GPR63: variants seen among roughly 807,000 people sequenced by gnomAD.
GPR63 encodes G protein-coupled receptor 63.
GPR63 carries 12 observed loss-of-function variants against 23.1 expected under a neutral mutation model. That is an observed-to-expected ratio of 0.52 (90% CI 0.33 to 0.84). The LOEUF is 0.84. Ranked by LOEUF, GPR63 falls within the 40% of genes least tolerant of loss-of-function variation. GPR63 has a pLI of 0.02. For missense variants in GPR63, 472 were observed against 515.6 expected (o/e 0.92, Z 0.82); for synonymous variants, 172 against 191.1 (o/e 0.90, Z 0.82).
intron 1 of GPR63, among the ~76,000 whole-genome samples, chr6:96,805,887 G>A (rs1773884531): frequency 6.6e-6 from 1 of 152,200 alleles, no homozygotes; most frequent in South Asian, 2.1e-4. Context: ...AAAACAGATG[G>A]ATTTTGAAGA....
At chr6:96,817,877 AT>A (rs550140845) in intron 1 of GPR63, among the ~76,000 whole-genome samples, 3,811 of 143,864 alleles carry the variant, frequency 0.026, 76 homozygotes, top group Non-Finnish European at 0.037. Flanking sequence ...TCATATATTC[AT>A]TTTTTTTTTC....
intron 1 of GPR63, among the ~76,000 whole-genome samples, chr6:96,804,868 G>A (rs1004309777): frequency 1.3e-5 from 2 of 152,056 alleles, no homozygotes; most frequent in African/African-American, 2.4e-5. Flanking sequence ...ATGTAGTTAT[G>A]TAAATAGTAT....
At chr6:96,814,561 G>C (rs1367070322) in intron 1 of GPR63, among the ~76,000 whole-genome samples, 1 of 152,150 alleles carries the variant, frequency 6.6e-6, no homozygotes, top group Non-Finnish European at 1.5e-5. Context: ...ACCGTGATTA[G>C]AACCCAGGGC....
chr6:96,807,137 T>C (rs1352312326), intron 1 of GPR63, among the ~76,000 whole-genome samples: 2 of 152,194 alleles, frequency 1.3e-5, no homozygotes, highest in East Asian at 1.9e-4. Context: ...GCTCACCAAA[T>C]AGCAACTTTC....
At chr6:96,808,115 C>T (rs1042796138) in intron 1 of GPR63, among the ~76,000 whole-genome samples, 1 of 152,038 alleles carries the variant, frequency 6.6e-6, no homozygotes, top group East Asian at 1.9e-4. Flanking sequence ...AAACATATTG[C>T]TAAATTTAAA....
chr6:96,809,313 T>C (rs1773980866), intron 1 of GPR63, among the ~76,000 whole-genome samples: 1 of 152,176 alleles, frequency 6.6e-6, no homozygotes, highest in Non-Finnish European at 1.5e-5. Flanking sequence ...TTAACTAATG[T>C]GTCTAACTGC....
chr6:96,813,417 C>T (rs1774091218), intron 1 of GPR63, among the ~76,000 whole-genome samples: 1 of 152,158 alleles, frequency 6.6e-6, no homozygotes, highest in Non-Finnish European at 1.5e-5. Flanking sequence ...AAACTCCATA[C>T]TGACCCAGTG....
chr6:96,832,289 G>T (rs958700068), intron 1 of GPR63, among the ~76,000 whole-genome samples: 1 of 151,970 alleles, frequency 6.6e-6, no homozygotes, highest in Non-Finnish European at 1.5e-5. Flanking sequence ...TTTGAAGACA[G>T]GGTCTTTCTC....
intron 1 of GPR63, 128 bp downstream of exon 1, chr6:96,837,140 T>G (rs1774752370): frequency 6.6e-6 from 1 of 152,482 alleles, no homozygotes; most frequent in African/African-American, 2.4e-5. Flanking sequence ...TCCAGCCTCA[T>G]TCCTCCCCGC....
At chr6:96,799,965 G>T in intron 1 of GPR63, 84 bp from the exon 2 acceptor site, 1 of 556,298 alleles carries the variant, frequency 1.8e-6, no homozygotes, top group Admixed American at 3.1e-5. Flanking sequence ...CTTTCATCAT[G>T]AAGGATCAGT....
rs746710512 is a variant in GPR63, at chr6:96,798,821, A to G, written c.911T>C (p.Ile304Thr). ...MSLQRPFQMSIDMGFKTRAFT... is the reference protein window; with the variant it reads ...MSLQRPFQMSTDMGFKTRAFT... ...GGCACGTGTTTTAAAGCCCATGTCAATGCTCATCTGGAAAGGTCTCTGCAG... is the reference window on the plus strand; with the variant it reads ...GGCACGTGTTTTAAAGCCCATGTCAGTGCTCATCTGGAAAGGTCTCTGCAG... The change falls in exon 2 of 2, where the codon ATT becomes ACT. Residue 304 changes from isoleucine to threonine, a missense_variant. Ile to Thr is a moderately conservative substitution (Grantham distance 89, BLOSUM62 -1). Coordinates refer to ENST00000229955, the MANE Select transcript of GPR63 (RefSeq NM_030784.4). The G allele has an allele frequency of 1.6e-5, 26 of 1,614,084 alleles. No individual in the cohort carries two copies. The highest frequency in any genetic ancestry group is 8.5e-7 in the Non-Finnish European group (1 of 1,180,040).
intron 1 of GPR63, among the ~76,000 whole-genome samples, chr6:96,818,279 T>C (rs1774213814): frequency 6.6e-6 from 1 of 151,984 alleles, no homozygotes; most frequent in African/African-American, 2.4e-5. Flanking sequence ...CTGGCCAACA[T>C]GGTGAAAACC....
intron 1 of GPR63, among the ~76,000 whole-genome samples, chr6:96,834,238 C>A (rs1774663983): frequency 1.3e-5 from 2 of 152,184 alleles, no homozygotes; most frequent in South Asian, 4.1e-4. Context: ...CTCAAGCCAA[C>A]CAAATCCTAA....
Position 96,794,820 on chromosome 6 carries a change from T to C in GPR63, c.*3652A>G, listed in dbSNP as rs1174865127. 1 of 152,180 alleles carries C rather than the reference T, an allele frequency of 6.6e-6. No homozygotes were observed. The highest frequency in any genetic ancestry group is 6.5e-5 in the Admixed American group (1 of 15,278). 9.4% of individuals were successfully genotyped at this position (152,180 alleles called of 1,614,324 possible). A position where few individuals can be genotyped will look rare whatever the true frequency, so the allele number is the denominator to read the frequency against. On this transcript the variant is annotated 3_prime_UTR_variant, in exon 2 of 2. Coordinates refer to ENST00000229955, the MANE Select transcript of GPR63 (RefSeq NM_030784.4). Reference sequence around the variant, plus strand: ...CATTTTGCTCTACTGTGAAGCTATATGCTTTATCAGAATTTTGCCAGTTGA... The same window carrying C: ...CATTTTGCTCTACTGTGAAGCTATACGCTTTATCAGAATTTTGCCAGTTGA...
intron 1 of GPR63, among the ~76,000 whole-genome samples, chr6:96,821,683 G>A (rs1208422629): frequency 6.6e-6 from 1 of 152,064 alleles, no homozygotes; most frequent in Non-Finnish European, 1.5e-5. Flanking sequence ...TTATCCCTGA[G>A]AGCTCCAGCC....
chr6:96,823,785 A>G (rs1299179164), intron 1 of GPR63, among the ~76,000 whole-genome samples: 1 of 152,032 alleles, frequency 6.6e-6, no homozygotes, highest in Admixed American at 6.6e-5. Flanking sequence ...TTTTTACTGT[A>G]CCTACGTTTA....
chr6:96,829,202 C>T (rs1030838121), intron 1 of GPR63, among the ~76,000 whole-genome samples: 4 of 152,144 alleles, frequency 2.6e-5, no homozygotes, highest in African/African-American at 4.8e-5. Flanking sequence ...TAAAGCTACA[C>T]GTGGAACACT....
intron 1 of GPR63, among the ~76,000 whole-genome samples, chr6:96,821,010 A>C (rs991903078): frequency 2.6e-5 from 4 of 152,076 alleles, no homozygotes; most frequent in South Asian, 2.1e-4. Context: ...TCTATTGAGC[A>C]CTCCCACACT....
chr6:96,821,011 C>T (rs1402731702), intron 1 of GPR63, among the ~76,000 whole-genome samples: 13 of 152,280 alleles, frequency 8.5e-5, no homozygotes, highest in African/African-American at 3.1e-4. Flanking sequence ...CTATTGAGCA[C>T]TCCCACACTC....
Sources: allele counts gnomAD v4.1 joint callset (sites outside exome capture counted in the v4.1 genomes callset), GRCh38; gene constraint gnomAD v4.1.1; transcripts MANE v1.5; gene names NCBI Gene and HGNC (gene_info 2026-07-23, HGNC 2026-07-21).